RARG: variants seen among roughly 807,000 people sequenced by gnomAD.
RARG encodes RAR-gamma.
A neutral mutation model predicts 43.7 loss-of-function variants in RARG; 17 were observed. The observed-to-expected ratio is 0.39, with a 90% CI of 0.27 to 0.58. RARG has a LOEUF of 0.58. Ranked by LOEUF, RARG falls within the 20% of genes least tolerant of loss-of-function variation. The pLI is 0.57. For synonymous variants in RARG, 238 were observed against 236.4 expected, an observed-to-expected ratio of 1.01 and a Z score of -0.06; for missense variants, 346 against 598.7, an observed-to-expected ratio of 0.58 and a Z score of 4.40.
In RARG at chr12:53,211,982, C is replaced by T. The variant is rs1249845790; in HGVS notation, c.1178-119G>A. On this transcript the variant is annotated intron_variant, in intron 9 of 9. Transcript: ENST00000425354. This position sits in a 1 kb window ranked among gnomAD's most constrained non-coding sequence, Gnocchi z 4.6. ...CCCTAGGGGGCGCCCAGCACAGGCC[C>T]ACCACCTCTCCGTCCCCAGCTCATC... The T allele has an allele frequency of 3.0e-6, 2 of 656,668 alleles. No homozygotes were observed. The highest frequency in any genetic ancestry group is 4.4e-6 in the Non-Finnish European group (2 of 450,860). The allele number at this position is 656,668 out of a possible 1,614,324, so 40.7% of individuals were successfully genotyped here.
chr12:53,212,743 C>CAT (rs1942636911), intron 9 of RARG, among the ~76,000 whole-genome samples: 2 of 145,782 alleles, frequency 1.4e-5, no homozygotes, highest in African/African-American at 5.4e-5. Flanking sequence ...TATATACACA[C>CAT]ACACACACAC....
At chr12:53,222,107 G>A (rs1041485170) in intron 3 of RARG, among the ~76,000 whole-genome samples, 1 of 152,018 alleles carries the variant, frequency 6.6e-6, no homozygotes, top group African/African-American at 2.4e-5. Flanking sequence ...GGGGCTTGAA[G>A]CAGGGATGGA....
chr12:53,214,557 CCCTTCTT>C lies in RARG; in HGVS notation c.518_524del (p.Glu173GlyfsTer8). On this transcript the variant is annotated frameshift_variant, in exon 6 of 10. Coordinates refer to ENST00000425354, the MANE Select transcript of RARG (RefSeq NM_000966.6). LOFTEE classifies it high-confidence loss of function. ...GGCTCAGCTCATAGCTGTCAGGTGA[CCCTTCTT>C]CCTTCACCTCTTTCTTCTTCTTGTT... is the stretch of plus-strand genomic sequence containing the variant. The C allele has an allele frequency of 6.2e-7, 1 of 1,611,602 alleles. No individual in the cohort carries two copies. Among genetic ancestry groups the C allele is most frequent in the Non-Finnish European group, 8.5e-7 (1 of 1,177,880 alleles).
chr12:53,229,155 C>T (rs1017792415), intron 2 of RARG, among the ~76,000 whole-genome samples: 7 of 152,168 alleles, frequency 4.6e-5, no homozygotes, highest in African/African-American at 1.7e-4. Context: ...TCACCCCAGC[C>T]TGGGTATCTC....
chr12:53,230,840 T>C (rs1398257778), intron 2 of RARG, among the ~76,000 whole-genome samples: 1 of 70,882 alleles, frequency 1.4e-5, no homozygotes, highest in Non-Finnish European at 2.6e-5. Context: ...ACAGTGCGTG[T>C]GTGTGTGTGT....
chr12:53,221,224 G>C (rs1942953064), intron 3 of RARG, among the ~76,000 whole-genome samples: 1 of 135,468 alleles, frequency 7.4e-6, no homozygotes, highest in South Asian at 2.4e-4. Context: ...GCCCTCCGCC[G>C]CGGCCCGGGC....
At position 53,230,050 on chromosome 12, in the gene RARG, G is replaced by A. The variant is rs553373268; in HGVS notation, c.-143+1119C>T. On this transcript the variant is annotated intron_variant, in intron 2 of 9. Coordinates refer to ENST00000425354, the MANE Select transcript of RARG (RefSeq NM_000966.6). ...CCCATTTCTGAGCCTTGGTTCTGTC[G>A]TGGCTGGGAAGAGAAGGGGAGGGTC... 1.2e-5 allele frequency: 11 copies of A among 891,604 alleles called. No homozygotes were observed. In the African/African-American group the frequency reaches 1.4e-4, roughly 12 times the overall value. The allele number at this position is 891,604 out of a possible 1,614,324, so 55.2% of individuals were successfully genotyped here. A position where few individuals can be genotyped will look rare whatever the true frequency, so the allele number is the denominator to read the frequency against.
chr12:53,231,817 G>C (rs1404776908), intron 1 of RARG, among the ~76,000 whole-genome samples, 157 bp downstream of exon 1: 1 of 152,254 alleles, frequency 6.6e-6, no homozygotes, highest in East Asian at 1.9e-4. Context: ...GGACTGGCCT[G>C]GGTCGGGGCA....
chr12:53,227,100 C>A lies in RARG; in HGVS notation c.184+262G>T, dbSNP rs151220660. Among the ~76,000 whole-genome samples, 23 of 151,580 alleles carry A rather than the reference C, an allele frequency of 1.5e-4. No individual in the cohort carries two copies. The highest frequency in any genetic ancestry group is 5.6e-4 in the African/African-American group (23 of 41,024). On this transcript the variant is annotated intron_variant, in intron 3 of 9. Transcript: ENST00000425354. The surrounding 1 kb of genome is among the most constrained non-coding windows in gnomAD (Gnocchi z 4.3). The stretch of plus-strand genomic sequence containing the variant: ...CTGACCCAGGAGGCAGTTTTAGATA[C>A]CCACCCCCCAAGTTTTAGGCCTGCT...
At chr12:53,226,595 G>C (rs1943112146) in intron 3 of RARG, among the ~76,000 whole-genome samples, 1 of 151,570 alleles carries the variant, frequency 6.6e-6, no homozygotes, top group African/African-American at 2.4e-5. Flanking sequence ...AAAGTGCTGG[G>C]ATTACAGGCG....
chr12:53,220,404 G>C (rs1224809994), intron 3 of RARG: 4 of 129,828 alleles, frequency 3.1e-5, no homozygotes, highest in Non-Finnish European at 6.1e-5. Flanking sequence ...GGGGTGGGGG[G>C]TGGGGCTTGG....
rs1364709191 is a variant in RARG, at chr12:53,211,961, A to G, written c.1178-98T>C. On this transcript the variant is annotated intron_variant, in intron 9 of 9. Coordinates refer to ENST00000425354, the MANE Select transcript of RARG (RefSeq NM_000966.6). This position sits in a 1 kb window ranked among gnomAD's most constrained non-coding sequence, Gnocchi z 4.6. ...TTTCTCAACTGCCCCTGACTCCCCT[A>G]GGGGGCGCCCAGCACAGGCCCACCA... 4.0e-6 allele frequency: 4 copies of G among 991,104 alleles called. No homozygotes were observed. Among genetic ancestry groups the G allele is most frequent in the Admixed American group, 7.9e-5 (2 of 25,352 alleles). 61.4% of individuals were successfully genotyped at this position (991,104 alleles called of 1,614,324 possible).
At chr12:53,222,231 G>GAGAGAAAGAA (rs1555181720) in intron 3 of RARG, among the ~76,000 whole-genome samples, 1,836 of 93,230 alleles carry the variant, frequency 0.02, 29 homozygotes, top group African/African-American at 0.098. Flanking sequence ...GAAAGAAAGA[G>GAGAGAAAGAA]AGAGAAAGAA....
intron 3 of RARG, among the ~76,000 whole-genome samples, chr12:53,222,661 C>T (rs746935249): frequency 6.6e-5 from 10 of 152,150 alleles, no homozygotes; most frequent in Non-Finnish European, 1.2e-4. Flanking sequence ...GTGTGCATCC[C>T]AGGCATTGCA....
intron 5 of RARG, chr12:53,214,833 G>T: frequency 2.0e-6 from 1 of 506,842 alleles, no homozygotes; most frequent in African/African-American, 1.9e-5. Flanking sequence ...CAGGCCATTC[G>T]GCTCCATCCT....
intron 3 of RARG, among the ~76,000 whole-genome samples, chr12:53,226,931 CAG>C (rs1296467633): frequency 6.6e-6 from 1 of 152,150 alleles, no homozygotes; most frequent in African/African-American, 2.4e-5. Context: ...CTCTTGATCA[CAG>C]AGCCAGGTGA....
chr12:53,215,148 A>G lies in RARG; in HGVS notation c.475+145T>C. On this transcript the variant is annotated intron_variant, in intron 5 of 9. Transcript: ENST00000425354. This position sits in a 1 kb window ranked among gnomAD's most constrained non-coding sequence, Gnocchi z 6.4. ...GCCTCCTGGTTGAATGGAGCTAATC[A>G]AATAAGACTGGCCTGGGAGAAGGCA... is the stretch of plus-strand genomic sequence containing the variant. 1 of 1,016,848 alleles carries G rather than the reference A, an allele frequency of 9.8e-7. No homozygotes were observed. The highest frequency in any genetic ancestry group is 1.7e-5 in the South Asian group (1 of 60,052). 63.0% of individuals were successfully genotyped at this position (1,016,848 alleles called of 1,614,324 possible). A position where few individuals can be genotyped will look rare whatever the true frequency, so the allele number is the denominator to read the frequency against.
intron 3 of RARG, among the ~76,000 whole-genome samples, chr12:53,223,517 C>G (rs1260706193): frequency 7.5e-6 from 1 of 133,198 alleles, no homozygotes; most frequent in Non-Finnish European, 1.5e-5. Flanking sequence ...TTGCCCGGCT[C>G]CCCCCGCCCC....
intron 2 of RARG, among the ~76,000 whole-genome samples, chr12:53,228,698 T>A (rs1943165461): frequency 6.7e-6 from 1 of 150,008 alleles, no homozygotes; most frequent in African/African-American, 2.5e-5. Context: ...CTTTTTTCTC[T>A]CTCTCTCTCT....
Sources: allele counts gnomAD v4.1 joint callset (sites outside exome capture counted in the v4.1 genomes callset), GRCh38; gene constraint gnomAD v4.1.1; non-coding constraint Gnocchi (gnomAD v3.1); transcripts MANE v1.5; gene names NCBI Gene and HGNC (gene_info 2026-07-23, HGNC 2026-07-21).